SCAPER: variants seen among roughly 807,000 people sequenced by gnomAD.
SCAPER encodes S-phase cyclin A associated protein in the ER, also known as S phase cyclin A-associated protein in the endoplasmic reticulum.
SCAPER carries 98 observed loss-of-function variants against 182.2 expected under a neutral mutation model. That is an observed-to-expected ratio of 0.54 (90% CI 0.46 to 0.64). SCAPER has a LOEUF of 0.64. Among genes scored for constraint, SCAPER ranks in the 30% least tolerant of loss-of-function variants. The pLI, the probability that SCAPER is intolerant of heterozygous loss-of-function variation, is 0.00. For missense variants in SCAPER, 1,432 were observed against 1,690.0 expected, an observed-to-expected ratio of 0.85 and a Z score of 2.68; for synonymous variants, 605 against 564.6, an observed-to-expected ratio of 1.07 and a Z score of -1.01.
chr15:76,519,088 C>T (rs2042655175), intron 23 of SCAPER, among the ~76,000 whole-genome samples: 1 of 152,188 alleles, frequency 6.6e-6, no homozygotes, highest in Non-Finnish European at 1.5e-5. Context: ...GCCTGGAGGA[C>T]ACCCGACCAT....
intron 24 of SCAPER, among the ~76,000 whole-genome samples, chr15:76,491,612 A>G (rs183638047): frequency 1.8e-4 from 27 of 152,106 alleles, no homozygotes; most frequent in African/African-American, 3.4e-4. Context: ...GCTCTCCAGC[A>G]CTTGGTATTA....
intron 17 of SCAPER, among the ~76,000 whole-genome samples, chr15:76,709,712 C>G (rs2059459850): frequency 6.6e-6 from 1 of 152,094 alleles, no homozygotes; most frequent in Non-Finnish European, 1.5e-5. Flanking sequence ...GCCAGAATTG[C>G]CATAACACAA....
intron 24 of SCAPER, chr15:76,472,202 G>T (rs2050238260): frequency 1.9e-6 from 1 of 514,120 alleles, no homozygotes; most frequent in Non-Finnish European, 3.8e-6. Flanking sequence ...CTCCTCCAAA[G>T]CCAGAGCCCA....
At chr15:76,824,924 C>T (rs1207050509) in intron 5 of SCAPER, among the ~76,000 whole-genome samples, 1 of 152,064 alleles carries the variant, frequency 6.6e-6, no homozygotes, top group Non-Finnish European at 1.5e-5. Context: ...TACTGCAATT[C>T]CTAATCAATT....
At chr15:76,774,748 A>G (rs181778045) in intron 9 of SCAPER, 107 bp downstream of exon 9, 42 of 1,259,872 alleles carry the variant, frequency 3.3e-5, no homozygotes, top group Non-Finnish European at 4.3e-5. Flanking sequence ...AGACCTGAAA[A>G]TTTTCACAGT....
chr15:76,628,721 G>A (rs771361412), intron 21 of SCAPER, among the ~76,000 whole-genome samples: 2 of 152,072 alleles, frequency 1.3e-5, no homozygotes, highest in Non-Finnish European at 2.9e-5. Flanking sequence ...CTCCAGCTTT[G>A]TTCTTTTAGC....
chr15:76,621,915 A>T, intron 21 of SCAPER, 86 bp from the exon 22 acceptor site: 2 of 895,596 alleles, frequency 2.2e-6, no homozygotes, highest in South Asian at 3.0e-5. Flanking sequence ...TTCCCCTATT[A>T]AATATAACAC....
At chr15:76,669,077 C>T (rs1042659300) in intron 20 of SCAPER, among the ~76,000 whole-genome samples, 1 of 152,038 alleles carries the variant, frequency 6.6e-6, no homozygotes, top group Non-Finnish European at 1.5e-5. Context: ...AGTGACAGAG[C>T]CTAAATTTAA....
intron 17 of SCAPER, among the ~76,000 whole-genome samples, chr15:76,723,746 C>T (rs565134369): frequency 6.6e-6 from 1 of 152,270 alleles, no homozygotes; most frequent in Admixed American, 6.5e-5. Flanking sequence ...AGGATTGCAA[C>T]CCCTGCCTTT....
chr15:76,615,218 G>A (rs1162980352), intron 22 of SCAPER, among the ~76,000 whole-genome samples: 1 of 151,832 alleles, frequency 6.6e-6, no homozygotes, highest in Non-Finnish European at 1.5e-5. Flanking sequence ...CTGAGGGGGG[G>A]CGGATTGCTT....
intron 23 of SCAPER, among the ~76,000 whole-genome samples, chr15:76,511,391 T>C (rs1390358594): frequency 3.3e-5 from 5 of 152,262 alleles, no homozygotes; most frequent in Non-Finnish European, 7.3e-5. Flanking sequence ...CAATGGCTTA[T>C]GGACTCCGTT....
intron 21 of SCAPER, among the ~76,000 whole-genome samples, chr15:76,628,985 C>A: frequency 6.6e-6 from 1 of 152,218 alleles, no homozygotes; most frequent in South Asian, 2.1e-4. Context: ...AGAGGTCCTT[C>A]ACTTCCCTTG....
intron 22 of SCAPER, among the ~76,000 whole-genome samples, chr15:76,597,826 A>G (rs1281949281): frequency 8.2e-6 from 1 of 121,278 alleles, no homozygotes; most frequent in African/African-American, 2.5e-5. Flanking sequence ...ACTTAAACAT[A>G]AGGCCTAAAA....
chr15:76,581,519 G>A (rs1485597238), intron 22 of SCAPER, among the ~76,000 whole-genome samples: 2 of 152,188 alleles, frequency 1.3e-5, no homozygotes, highest in Non-Finnish European at 2.9e-5. Context: ...CAAAGCAAAC[G>A]ATGTGATACA....
Position 76,354,244 on chromosome 15 carries a change from T to A in SCAPER, c.3856-104A>T. The A allele has an allele frequency of 9.4e-7, 1 of 1,065,784 alleles. No homozygotes were observed. Among genetic ancestry groups the A allele is most frequent in the Non-Finnish European group, 1.3e-6 (1 of 765,230 alleles). The allele number at this position is 1,065,784 out of a possible 1,614,324, so 66.0% of individuals were successfully genotyped here. ...TACCATGGAAAACATGCTGAAGGAG[T>A]GTAAAGAAAAAGACTCCTGACTCCG... On this transcript the variant is annotated intron_variant, in intron 29 of 31. Transcript: ENST00000563290. The surrounding 1 kb of genome is among the most constrained non-coding windows in gnomAD (Gnocchi z 4.4).
chr15:76,665,473 A>G (rs2072293674), intron 21 of SCAPER, among the ~76,000 whole-genome samples, 180 bp downstream of exon 21: 1 of 152,224 alleles, frequency 6.6e-6, no homozygotes, highest in Admixed American at 6.5e-5. Flanking sequence ...CAAGGGCTTT[A>G]GATCGATATG....
At chr15:76,733,180 C>T (rs902211919) in intron 16 of SCAPER, 49 bp downstream of exon 16, 1 of 1,532,398 alleles carries the variant, frequency 6.5e-7, no homozygotes, top group Non-Finnish European at 8.8e-7. Context: ...CTGGACCCTA[C>T]AAATATGACA....
intron 23 of SCAPER, among the ~76,000 whole-genome samples, chr15:76,563,694 C>T (rs2046818149): frequency 6.6e-6 from 1 of 152,168 alleles, no homozygotes; most frequent in Non-Finnish European, 1.5e-5. Context: ...GATACCAAAA[C>T]CTGGAAGAGA....
At chr15:76,764,441 C>G (rs1301657508) in intron 14 of SCAPER, among the ~76,000 whole-genome samples, 1 of 152,252 alleles carries the variant, frequency 6.6e-6, no homozygotes, top group African/African-American at 2.4e-5. Context: ...CAATGGGGGC[C>G]ATGGCCAGCT....
Sources: gnomAD v4.1 joint callset for allele counts (sites outside exome capture counted in the v4.1 genomes callset) on GRCh38, gnomAD v4.1.1 for gene constraint, Gnocchi (gnomAD v3.1) non-coding constraint, MANE v1.5 for transcripts, NCBI Gene and HGNC (gene_info 2026-07-23, HGNC 2026-07-21) for gene names.